MEIKIN: variants seen among roughly 807,000 people sequenced by gnomAD.
MEIKIN encodes the protein meiotic kinetochore factor.
intron 7 of MEIKIN, among the ~76,000 whole-genome samples, chr5:131,912,695 T>C (rs903823839): frequency 7.2e-5 from 11 of 152,346 alleles, no homozygotes; most frequent in Admixed American, 7.2e-4. Flanking sequence ...TTCTCGCCTC[T>C]GAATGAACTT....
intron 9 of MEIKIN, among the ~76,000 whole-genome samples, chr5:131,871,537 G>GGCCT (rs1391307791): frequency 8.5e-5 from 13 of 152,356 alleles, no homozygotes; most frequent in Non-Finnish European, 1.5e-4. Flanking sequence ...AGCTCAAGGA[G>GGCCT]GCCTGCCTGC....
chr5:131,879,361 C>A (rs976067069), intron 8 of MEIKIN, among the ~76,000 whole-genome samples: 26 of 152,162 alleles, frequency 1.7e-4, no homozygotes, highest in Admixed American at 9.8e-4. Flanking sequence ...TTCCACTCTC[C>A]ACATTTTCAA....
chr5:131,927,800 G>C (rs534951201), intron 5 of MEIKIN, among the ~76,000 whole-genome samples: 1 of 152,140 alleles, frequency 6.6e-6, no homozygotes, highest in South Asian at 2.1e-4. Context: ...GTTACCATTT[G>C]TATGGAATAT....
rs146529109 is a variant in MEIKIN at position 131,941,742 on chromosome 5, A to T, written c.349+893T>A. ...ATTGCTACTTAGTCATCTTAAATGC[A>T]CTCATAACTTAATATACTAAAAACT... is the stretch of plus-strand genomic sequence containing the variant. On this transcript the variant is annotated intron_variant, in intron 4 of 12. Transcript: ENST00000442687. Among the ~76,000 whole-genome samples the T allele has an allele frequency of 3.7e-3, 569 of 152,270 alleles. 4 individuals are homozygous for T. The highest frequency in any genetic ancestry group is 0.013 in the African/African-American group (539 of 41,552).
intron 9 of MEIKIN, among the ~76,000 whole-genome samples, chr5:131,856,590 G>T (rs1750196126): frequency 6.6e-6 from 1 of 152,182 alleles, no homozygotes; most frequent in Non-Finnish European, 1.5e-5. Context: ...GGCTATCCCT[G>T]CATAATCCTG....
At chr5:131,872,971 C>A (rs867547575) in intron 9 of MEIKIN, among the ~76,000 whole-genome samples, 42 of 143,576 alleles carry the variant, frequency 2.9e-4, no homozygotes, top group South Asian at 6.7e-4. Flanking sequence ...CACCACCAGG[C>A]CTGCCCTAAA....
chr5:131,936,151 A>G (rs1447217904), intron 4 of MEIKIN, among the ~76,000 whole-genome samples: 2 of 152,262 alleles, frequency 1.3e-5, no homozygotes, highest in Non-Finnish European at 2.9e-5. Flanking sequence ...TTGAGTAGAA[A>G]AAATAATAAA....
At chr5:131,854,040 C>A (rs181958205) in intron 10 of MEIKIN, among the ~76,000 whole-genome samples, 54 of 152,260 alleles carry the variant, frequency 3.5e-4, no homozygotes, top group African/African-American at 1.1e-3. Context: ...TATTTGTACA[C>A]CCATGTTCAT....
chr5:131,859,528 T>C (rs1750247874), intron 9 of MEIKIN, among the ~76,000 whole-genome samples: 1 of 152,186 alleles, frequency 6.6e-6, no homozygotes. Context: ...CCCTTTCTCT[T>C]TTGTTCCTGC....
At chr5:131,881,145 A>G (rs556250611) in intron 8 of MEIKIN, among the ~76,000 whole-genome samples, 9 of 152,334 alleles carry the variant, frequency 5.9e-5, no homozygotes, top group African/African-American at 2.2e-4. Context: ...GACAAAAAAG[A>G]AAGTGTTAAG....
intron 11 of MEIKIN, among the ~76,000 whole-genome samples, chr5:131,847,226 A>C (rs1750036796): frequency 6.6e-6 from 1 of 152,134 alleles, no homozygotes; most frequent in African/African-American, 2.4e-5. Flanking sequence ...ATTTTAAATA[A>C]ACAAATTAAA....
At chr5:131,897,093 C>G (rs1342058548) in intron 8 of MEIKIN, among the ~76,000 whole-genome samples, 3 of 152,164 alleles carry the variant, frequency 2.0e-5, no homozygotes, top group Non-Finnish European at 4.4e-5. Context: ...GACAAAATCT[C>G]TCAGCATTTG....
In MEIKIN at chr5:131,944,716, T is replaced by C. The variant is rs1049037641; in HGVS notation, c.237A>G (p.Gln79=). Residue 79 remains glutamine, a synonymous_variant, in exon 3 of 13, where the codon CAA becomes CAG. Coordinates refer to ENST00000442687, the MANE Select transcript of MEIKIN (RefSeq NM_001303622.2). ...GGGTGTCTTCACTAGACCTATTTTC[T>C]TGCAGGCTTTTCTCTCCTGTAACTC... The part of the protein sequence containing the change: ...RLGVTGEKSL[Q]ENRSSEDTQD... The C allele has an allele frequency of 2.5e-6, 1 of 399,078 alleles. No homozygotes were observed. The highest frequency in any genetic ancestry group is 4.4e-6 in the Non-Finnish European group (1 of 226,068). The allele number at this position is 399,078 out of a possible 1,614,324, so 24.7% of individuals were successfully genotyped here. A position where few individuals can be genotyped will look rare whatever the true frequency, so the allele number is the denominator to read the frequency against.
intron 8 of MEIKIN, among the ~76,000 whole-genome samples, chr5:131,909,666 C>T (rs779090333): frequency 4.6e-5 from 7 of 152,152 alleles, no homozygotes; most frequent in Middle Eastern, 3.4e-3. Flanking sequence ...AACTACTCCA[C>T]CTAATTAGGG....
chr5:131,829,198 T>A lies in MEIKIN; in HGVS notation c.976-10335A>T, dbSNP rs973953587. Among the ~76,000 whole-genome samples the A allele has an allele frequency of 4.6e-5, 7 of 152,148 alleles. No homozygotes were observed. In the East Asian group the frequency reaches 1.4e-3, roughly 29 times the overall value. On this transcript the variant is annotated intron_variant, in intron 11 of 12. Transcript: ENST00000442687. ...CTACAATAAAGTTATGCTGAAAAAATTATAAAGAAAATTATTTCCACCTAA... is the reference window on the plus strand; with the variant it reads ...CTACAATAAAGTTATGCTGAAAAAAATATAAAGAAAATTATTTCCACCTAA...
chr5:131,888,704 C>G (rs935715896), intron 8 of MEIKIN, among the ~76,000 whole-genome samples: 3 of 152,162 alleles, frequency 2.0e-5, no homozygotes, highest in Non-Finnish European at 4.4e-5. Context: ...TGCAGAAGCT[C>G]TTTAGTTTAA....
chr5:131,854,484 A>G (rs1750162968), intron 10 of MEIKIN, among the ~76,000 whole-genome samples: 1 of 152,144 alleles, frequency 6.6e-6, no homozygotes. Flanking sequence ...AAAATTATAA[A>G]TTTTATGTTA....
chr5:131,811,343 T>C (rs1401520988), intron 12 of MEIKIN, among the ~76,000 whole-genome samples: 1 of 151,762 alleles, frequency 6.6e-6, no homozygotes, highest in East Asian at 1.9e-4. Context: ...ACTTTTTCTT[T>C]TCTTTTTTTT....
chr5:131,821,608 C>A (rs1226314723), intron 11 of MEIKIN, among the ~76,000 whole-genome samples: 2 of 112,958 alleles, frequency 1.8e-5, no homozygotes, highest in African/African-American at 7.3e-5. Flanking sequence ...AAGTCTCTAG[C>A]TATTGTTATA....
Sources: gnomAD v4.1 joint callset for allele counts (sites outside exome capture counted in the v4.1 genomes callset) on GRCh38, gnomAD v4.1.1 for gene constraint, MANE v1.5 for transcripts, NCBI Gene and HGNC (gene_info 2026-07-23, HGNC 2026-07-21) for gene names.